Variants in WWTR1 observed in about 807,000 individuals in gnomAD.
WWTR1 encodes WW domain containing transcription regulator 1.
WWTR1 carries 13 observed loss-of-function variants against 40.1 expected under a neutral mutation model. The ratio of observed to expected loss-of-function variants is 0.32; its 90% CI spans 0.21 to 0.52. The LOEUF is 0.52. Among genes scored for constraint, WWTR1 ranks in the 20% least tolerant of loss-of-function variants. The pLI is 0.97. For synonymous variants in WWTR1, 230 were observed against 210.1 expected (o/e 1.09, Z -0.82); for missense variants, 436 against 523.1 (o/e 0.83, Z 1.63).
intron 3 of WWTR1, among the ~76,000 whole-genome samples, chr3:149,557,319 G>T (rs912121271): frequency 6.6e-6 from 1 of 151,982 alleles, no homozygotes; most frequent in Non-Finnish European, 1.5e-5. Context: ...TGATCCGCCC[G>T]CCTGGGCCTC....
intron 2 of WWTR1, among the ~76,000 whole-genome samples, chr3:149,614,387 T>C (rs1018757891): frequency 1.3e-5 from 2 of 152,186 alleles, no homozygotes; most frequent in Non-Finnish European, 2.9e-5. Flanking sequence ...TAACATACTG[T>C]ACAGTTTTTG....
chr3:149,709,614 T>G (rs1390083004), intron 5 of WWTR1, among the ~76,000 whole-genome samples: 2 of 151,958 alleles, frequency 1.3e-5, no homozygotes, highest in African/African-American at 4.8e-5. Flanking sequence ...CTCAAAGAAC[T>G]AAGGACTCGG....
chr3:149,614,547 T>C (rs1391629935), intron 2 of WWTR1, among the ~76,000 whole-genome samples: 1 of 152,182 alleles, frequency 6.6e-6, no homozygotes, highest in Non-Finnish European at 1.5e-5. Context: ...TCAAAGGCAA[T>C]AGCACTGATG....
At chr3:149,526,972 C>T (rs1421579294) in intron 5 of WWTR1, among the ~76,000 whole-genome samples, 1 of 152,196 alleles carries the variant, frequency 6.6e-6, no homozygotes, top group African/African-American at 2.4e-5. Context: ...TTTAAACTCA[C>T]ATAGAAGACG....
intron 1 of WWTR1, among the ~76,000 whole-genome samples, chr3:149,700,124 C>T (rs1715125585): frequency 6.6e-6 from 1 of 152,170 alleles, no homozygotes; most frequent in Non-Finnish European, 1.5e-5. Context: ...GGAGCAGGCA[C>T]ATCACATGGT....
chr3:149,608,533 G>A (rs1343334005), intron 2 of WWTR1, among the ~76,000 whole-genome samples: 1 of 151,908 alleles, frequency 6.6e-6, no homozygotes, highest in African/African-American at 2.4e-5. Context: ...CTACAGGCAT[G>A]TGCCACCACG....
At chr3:149,715,239 G>A (rs564929923) in intron 5 of WWTR1, among the ~76,000 whole-genome samples, 5 of 152,180 alleles carry the variant, frequency 3.3e-5, no homozygotes, top group Non-Finnish European at 7.3e-5. Flanking sequence ...GAACACCTGC[G>A]GCCCTTCAGG....
intron 2 of WWTR1, among the ~76,000 whole-genome samples, chr3:149,627,703 T>G (rs943293182): frequency 6.6e-6 from 1 of 152,152 alleles, no homozygotes. Flanking sequence ...CCTTCCCTTC[T>G]CCTTATATTT....
At chr3:149,696,813 C>CT (rs1715009358) in intron 1 of WWTR1, among the ~76,000 whole-genome samples, 2 of 152,210 alleles carry the variant, frequency 1.3e-5, no homozygotes, top group South Asian at 4.1e-4. Flanking sequence ...TCCTCACAGG[C>CT]TTTACAATAT....
At chr3:149,521,488 T>C (rs972851436) in intron 6 of WWTR1, among the ~76,000 whole-genome samples, 4 of 152,228 alleles carry the variant, frequency 2.6e-5, no homozygotes, top group African/African-American at 9.6e-5. Context: ...GTTTTCCCTC[T>C]TTCTGTAATA....
At chr3:149,602,940 A>T (rs1316424816) in intron 2 of WWTR1, among the ~76,000 whole-genome samples, 1 of 152,132 alleles carries the variant, frequency 6.6e-6, no homozygotes, top group Non-Finnish European at 1.5e-5. Flanking sequence ...GATGATAGGC[A>T]TGAGCCACTG....
At chr3:149,621,808 C>T (rs1263008592) in intron 2 of WWTR1, among the ~76,000 whole-genome samples, 1 of 152,198 alleles carries the variant, frequency 6.6e-6, no homozygotes, top group Non-Finnish European at 1.5e-5. Context: ...AGTGACCTAA[C>T]ATTAAACTTT....
chr3:149,629,415 A>C (rs765303947), intron 2 of WWTR1, among the ~76,000 whole-genome samples: 39 of 152,222 alleles, frequency 2.6e-4, no homozygotes, highest in Non-Finnish European at 4.4e-4. Flanking sequence ...AGTATTTCCT[A>C]CGCTGGGGAA....
At chr3:149,632,762 C>T (rs567931729) in intron 2 of WWTR1, among the ~76,000 whole-genome samples, 4 of 152,250 alleles carry the variant, frequency 2.6e-5, no homozygotes, top group African/African-American at 2.4e-5. Context: ...CATAGAGGAG[C>T]CTTGAAAACA....
chr3:149,609,680 G>A (rs767347528), intron 2 of WWTR1, among the ~76,000 whole-genome samples: 10 of 152,144 alleles, frequency 6.6e-5, no homozygotes, highest in Non-Finnish European at 1.5e-4. Flanking sequence ...GCCCTTTACA[G>A]AAAATGTTTC....
intron 1 of WWTR1, among the ~76,000 whole-genome samples, chr3:149,691,514 G>A (rs951833562): frequency 6.6e-5 from 10 of 151,878 alleles, no homozygotes; most frequent in African/African-American, 2.4e-4. Context: ...AAGATCATTA[G>A]AGACTACTAT....
intron 2 of WWTR1, among the ~76,000 whole-genome samples, chr3:149,629,800 G>A (rs1711504891): frequency 6.6e-6 from 1 of 152,130 alleles, no homozygotes; most frequent in Non-Finnish European, 1.5e-5. Context: ...GATCATGAAA[G>A]TGTATAACAA....
Position 149,698,183 on chromosome 3 carries a change from TC to T in WWTR1, c.-108+4940del, listed in dbSNP as rs140124560. ...GTTTGGCTCTGTGTCCCCACCCAAA[TC>T]TCATCTTGAATTGTAATAATCCCCA... On this transcript the variant is annotated intron_variant, in intron 1 of 7. Coordinates refer to the WWTR1 transcript ENST00000465804. Among the ~76,000 whole-genome samples, 775 of 152,300 alleles carry T rather than the reference TC, an allele frequency of 5.1e-3. 57 individuals are homozygous for T. In the East Asian group the frequency reaches 0.13, roughly 25 times the overall value.
intron 1 of WWTR1, among the ~76,000 whole-genome samples, chr3:149,686,644 C>T (rs1221012976): frequency 6.6e-6 from 1 of 152,116 alleles, no homozygotes; most frequent in Non-Finnish European, 1.5e-5. Context: ...ACACCTAAAC[C>T]AATGCTAGGA....
Sources: allele counts gnomAD v4.1 joint callset (sites outside exome capture counted in the v4.1 genomes callset), GRCh38; gene constraint gnomAD v4.1.1; transcripts MANE v1.5; gene names NCBI Gene and HGNC (gene_info 2026-07-23, HGNC 2026-07-21).